PCDHA1: variants seen among roughly 807,000 people sequenced by gnomAD.
PCDHA1 encodes protocadherin alpha-1.
A neutral mutation model predicts 61.3 loss-of-function variants in PCDHA1; 42 were observed. The observed-to-expected ratio is 0.69, with a 90% CI of 0.54 to 0.89. The LOEUF (loss-of-function observed/expected upper bound fraction) is 0.89, where lower values mean the gene tolerates loss of function less well. Among genes scored for constraint, PCDHA1 ranks in the 40% least tolerant of loss-of-function variants. The pLI is 0.00. For synonymous variants in PCDHA1, 610 were observed against 553.8 expected (o/e 1.10, Z -1.43); for missense variants, 1,256 against 1,235.3 (o/e 1.02, Z -0.25).
Position 140,835,484 on chromosome 5 carries a change from C to A in PCDHA1, c.2394+46800C>A, listed in dbSNP as rs2150236532. On this transcript the variant is annotated intron_variant, in intron 1 of 3. Coordinates refer to ENST00000504120, the MANE Select transcript of PCDHA1 (RefSeq NM_018900.4). ...TTCCAGAGGACGCCCAACCAGGTAC[C>A]GTCATCACATTGATTAGCGTGTTTG... The A allele has an allele frequency of 3.7e-6, 6 of 1,613,808 alleles. No individual in the cohort carries two copies. The African/African-American group carries it at 6.7e-5, about 18-fold the overall frequency.
chr5:140,879,532 C>T (rs1189647724), intron 1 of PCDHA1, among the ~76,000 whole-genome samples: 1 of 152,146 alleles, frequency 6.6e-6, no homozygotes, highest in Admixed American at 6.5e-5. Context: ...TTGGGAACAA[C>T]TCCTTTAGAG....
rs189155751 is a variant in PCDHA1 at position 140,943,432 on chromosome 5, T to C, written c.2395-35517T>C. 2.8e-3 allele frequency among the ~76,000 whole-genome samples: 419 copies of C among 152,174 alleles called. 2 individuals carry two copies. The highest frequency in any genetic ancestry group is 0.014 in the Middle Eastern group (4 of 294). Reference sequence around the variant, plus strand: ...ACTAGAGGCAAGGGCTTTAATATGATATAAAGGATAGAATTGATAAGGCTA... The same window carrying C: ...ACTAGAGGCAAGGGCTTTAATATGACATAAAGGATAGAATTGATAAGGCTA... On this transcript the variant is annotated intron_variant, in intron 1 of 3. Coordinates refer to ENST00000504120, the MANE Select transcript of PCDHA1 (RefSeq NM_018900.4).
At position 140,787,719 on chromosome 5, in the gene PCDHA1, G is replaced by T. The variant is rs1554117951; in HGVS notation, c.1429G>T (p.Val477Leu). ...NNPPGCHIFT[V>L]SARDADAQEN... The stretch of plus-strand genomic sequence containing the variant: ...CCCGCCGGGCTGCCACATCTTCACG[G>T]TGTCTGCGCGGGACGCGGACGCGCA... The change falls in exon 1 of 4, where the codon GTG becomes TTG. Residue 477 changes from valine to leucine, a missense_variant. Coordinates refer to ENST00000504120, the MANE Select transcript of PCDHA1 (RefSeq NM_018900.4). The T allele has an allele frequency of 6.2e-7, 1 of 1,613,828 alleles. No homozygotes were observed. The highest frequency in any genetic ancestry group is 8.5e-7 in the Non-Finnish European group (1 of 1,179,916).
At chr5:140,841,804 T>A in intron 1 of PCDHA1, 1 of 1,613,910 alleles carries the variant, frequency 6.2e-7, no homozygotes, top group African/African-American at 1.3e-5. Flanking sequence ...CCGATGCAGA[T>A]GTTGGAGCTA....
intron 1 of PCDHA1, chr5:140,829,939 C>A (rs1375837368): frequency 6.2e-7 from 1 of 1,613,870 alleles, no homozygotes; most frequent in African/African-American, 1.3e-5. Context: ...CCCCGGCAAG[C>A]AGCGCTCGCT....
At chr5:140,957,398 T>A (rs1162675184) in intron 1 of PCDHA1, among the ~76,000 whole-genome samples, 1 of 152,186 alleles carries the variant, frequency 6.6e-6, no homozygotes, top group Non-Finnish European at 1.5e-5. Flanking sequence ...ATTGTCCTAA[T>A]TTATTATTAT....
chr5:140,830,088 T>C, intron 1 of PCDHA1: 13 of 1,613,512 alleles, frequency 8.1e-6, no homozygotes, highest in Non-Finnish European at 1.1e-5. Flanking sequence ...GCCACGGTTC[T>C]GGTGTCGCTG....
intron 1 of PCDHA1, among the ~76,000 whole-genome samples, chr5:140,838,077 AGTGTGT>A (rs2150283763): frequency 0.11 from 9,093 of 79,922 alleles, 336 homozygotes; most frequent in East Asian, 0.23. Flanking sequence ...ATATATATAT[AGTGTGT>A]GTGTGTGTGT....
chr5:140,810,209 A>G (rs1271368005), intron 1 of PCDHA1: 1 of 152,252 alleles, frequency 6.6e-6, no homozygotes, highest in Non-Finnish European at 1.5e-5. Flanking sequence ...GTACTATTTC[A>G]TAAATATACT....
intron 1 of PCDHA1, chr5:140,966,703 G>A: frequency 1.5e-6 from 2 of 1,376,398 alleles, no homozygotes; most frequent in Non-Finnish European, 1.9e-6. Flanking sequence ...CCCGGGCGTG[G>A]GGCACGGCTG....
intron 1 of PCDHA1, among the ~76,000 whole-genome samples, chr5:140,963,640 CT>C (rs1426012343): frequency 6.6e-6 from 1 of 152,164 alleles, no homozygotes; most frequent in African/African-American, 2.4e-5. Flanking sequence ...CGCATCTTCC[CT>C]ATCATGGTTG....
At chr5:140,967,301 G>T in intron 1 of PCDHA1, 2 of 1,612,148 alleles carry the variant, frequency 1.2e-6, no homozygotes, top group Middle Eastern at 1.7e-4. Flanking sequence ...CGACGTGGGC[G>T]CCAACTCAGT....
At chr5:140,894,469 C>T (rs183471525) in intron 1 of PCDHA1, among the ~76,000 whole-genome samples, 8 of 151,852 alleles carry the variant, frequency 5.3e-5, no homozygotes, top group Admixed American at 5.2e-4. Context: ...ACTTTTTATT[C>T]TTGTTTTCAT....
At chr5:140,985,459 C>A (rs1587084925) in intron 3 of PCDHA1, among the ~76,000 whole-genome samples, 1 of 152,236 alleles carries the variant, frequency 6.6e-6, no homozygotes, top group East Asian at 1.9e-4. Flanking sequence ...GGGAAATGCT[C>A]CAAAAAATTT....
rs374829949 is a variant in PCDHA1, at chr5:140,788,740, A to C, written c.2394+56A>C. 6 of 1,485,434 alleles carry C rather than the reference A, an allele frequency of 4.0e-6. No homozygotes were observed. The African/African-American group carries it at 8.4e-5, about 21-fold the overall frequency. The allele number at this position is 1,485,434 out of a possible 1,614,324, so 92.0% of individuals were successfully genotyped here. A position where few individuals can be genotyped will look rare whatever the true frequency, so the allele number is the denominator to read the frequency against. ...ATATTTTTCATATTTAACTTGTCTA[A>C]TCATCTTTTCAAATATCACTTTAAA... On this transcript the variant is annotated intron_variant, in intron 1 of 3. Coordinates refer to ENST00000504120, the MANE Select transcript of PCDHA1 (RefSeq NM_018900.4).
chr5:140,868,238 C>T (rs1413759486), intron 1 of PCDHA1: 6 of 151,984 alleles, frequency 3.9e-5, no homozygotes, highest in African/African-American at 7.2e-5. Flanking sequence ...TCATCTAGAT[C>T]AATAGACTTT....
rs2150169954 is a variant in PCDHA1 at position 140,829,555 on chromosome 5, G to C, written c.2394+40871G>C. 7.4e-5 allele frequency: 119 copies of C among 1,612,836 alleles called. No homozygotes were observed. In the East Asian group the frequency reaches 1.6e-3, roughly 21 times the overall value. On this transcript the variant is annotated intron_variant, in intron 1 of 3. Transcript: ENST00000504120. Reference sequence around the variant, plus strand: ...GAGACGCGGACGCGCAGGAGAACGCGCTGGTGTCCTACTCGCTGGTGGAGC... The same window carrying C: ...GAGACGCGGACGCGCAGGAGAACGCCCTGGTGTCCTACTCGCTGGTGGAGC...
chr5:140,797,381 C>T (rs1440147726), intron 1 of PCDHA1: 2 of 1,594,948 alleles, frequency 1.3e-6, no homozygotes, highest in Admixed American at 1.7e-5. Context: ...CTTGCCAATT[C>T]TAAAATTGTT....
chr5:140,823,315 G>T (rs2150124604), intron 1 of PCDHA1: 2 of 1,612,268 alleles, frequency 1.2e-6, no homozygotes, highest in South Asian at 1.1e-5. Context: ...CGCGGAGAGC[G>T]GCAAGGTGTA....
Sources: allele counts gnomAD v4.1 joint callset (sites outside exome capture counted in the v4.1 genomes callset), GRCh38; gene constraint gnomAD v4.1.1; transcripts MANE v1.5; gene names NCBI Gene and HGNC (gene_info 2026-07-23, HGNC 2026-07-21).